ZDHHC6: variants seen among roughly 807,000 people sequenced by gnomAD.
ZDHHC6 encodes the protein zDHHC palmitoyltransferase 6, also known as palmitoyltransferase ZDHHC6.
In ZDHHC6, 32 loss-of-function variants were observed where a neutral mutation model predicts 57.8. That is an observed-to-expected ratio of 0.55 (90% CI 0.42 to 0.74). The LOEUF is 0.74. Ranked by LOEUF, ZDHHC6 falls within the 30% of genes least tolerant of loss-of-function variation. The pLI is 0.00. For synonymous variants in ZDHHC6, 128 were observed against 158.0 expected, an observed-to-expected ratio of 0.81 and a Z score of 1.42; for missense variants, 433 against 500.7, an observed-to-expected ratio of 0.86 and a Z score of 1.29.
chr10:112,436,292 T>C (rs1845523970), intron 6 of ZDHHC6, among the ~76,000 whole-genome samples: 1 of 152,132 alleles, frequency 6.6e-6, no homozygotes. Flanking sequence ...CTGGCCAACA[T>C]GGTGAAAGCC....
exon 12 of ZDHHC6, chr10:112,424,502 T>G (rs1379737756): frequency 2.0e-5 from 3 of 152,228 alleles, no homozygotes; most frequent in Admixed American, 2.0e-4. Flanking sequence ...GTAACAGAAT[T>G]AAATAACACT....
At chr10:112,440,826 T>TTTTTA (rs1480456729) in intron 4 of ZDHHC6, 131 bp from the exon 5 acceptor site, 2 of 614,588 alleles carry the variant, frequency 3.3e-6, no homozygotes, top group African/African-American at 1.9e-5. Context: ...AACACAGCTA[T>TTTTTA]TTTTATTTTA....
In ZDHHC6 at chr10:112,445,290, T is replaced by G. The variant is rs1846549765; in HGVS notation, c.147A>C (p.Leu49Phe). ...MIDSVLWYWP[L>F]HTTGGSVNFI... The stretch of plus-strand genomic sequence containing the variant: ...AATTCACACTTCCTCCAGTTGTATG[T>G]AAGGGCCAATACCACAACACAGAGT... Residue 49 changes from leucine (L) to phenylalanine (F), a missense_variant, in exon 2 of 11, where the codon TTA becomes TTC. By Grantham distance (22) the Leu-to-Phe change is conservative. Coordinates refer to ENST00000369405, the MANE Select transcript of ZDHHC6 (RefSeq NM_022494.3). The G allele has an allele frequency of 2.6e-5, 42 of 1,614,204 alleles. No homozygotes were observed. Among genetic ancestry groups the G allele is most frequent in the Non-Finnish European group, 3.2e-5 (38 of 1,180,034 alleles).
intron 1 of ZDHHC6, among the ~76,000 whole-genome samples, chr10:112,445,877 GT>G (rs1165361187): frequency 2.0e-5 from 3 of 152,182 alleles, no homozygotes; most frequent in Non-Finnish European, 4.4e-5. Flanking sequence ...TTCCAAAATA[GT>G]TTTTTTTATT....
At chr10:112,426,136 C>A, downstream of ZDHHC6, 1 of 728,052 alleles carries the variant, frequency 1.4e-6, no homozygotes, top group Non-Finnish European at 2.3e-6. Context: ...AACACTAGTA[C>A]TGGATTTAAG....
At chr10:112,431,900 G>C (rs530662895) in intron 10 of ZDHHC6, among the ~76,000 whole-genome samples, 6 of 152,202 alleles carry the variant, frequency 3.9e-5, no homozygotes, top group Admixed American at 3.3e-4. Context: ...CATAGCTATG[G>C]GCAAGTTGCC....
intron 5 of ZDHHC6, among the ~76,000 whole-genome samples, chr10:112,439,766 C>T (rs1845935747): frequency 6.7e-6 from 1 of 150,280 alleles, no homozygotes; most frequent in Non-Finnish European, 1.5e-5. Context: ...GTACATATGG[C>T]CCTGTATTAG....
chr10:112,438,638 A>G (rs1376998917), intron 5 of ZDHHC6, among the ~76,000 whole-genome samples: 6 of 152,010 alleles, frequency 3.9e-5, no homozygotes, highest in Admixed American at 1.3e-4. Context: ...TGAATCTAGT[A>G]TGTTAATCAA....
intron 4 of ZDHHC6, among the ~76,000 whole-genome samples, chr10:112,441,505 C>T (rs1455662537): frequency 1.3e-5 from 2 of 152,130 alleles, no homozygotes; most frequent in African/African-American, 4.8e-5. Flanking sequence ...GAATTAGGTG[C>T]CAACATTTAA....
downstream of ZDHHC6, chr10:112,425,479 C>G: frequency 6.2e-7 from 1 of 1,604,326 alleles, no homozygotes; most frequent in Non-Finnish European, 8.5e-7. Flanking sequence ...GGAGAGCTTA[C>G]GGGTAATATA....
chr10:112,440,971 G>A (rs1846063627), intron 4 of ZDHHC6, among the ~76,000 whole-genome samples: 1 of 152,054 alleles, frequency 6.6e-6, no homozygotes, highest in Non-Finnish European at 1.5e-5. Flanking sequence ...TCAGCCTCCC[G>A]AGTAGCTGGG....
At chr10:112,432,325 A>G in intron 9 of ZDHHC6, 39 bp from the exon 10 acceptor site, 1 of 1,608,002 alleles carries the variant, frequency 6.2e-7, no homozygotes, top group South Asian at 1.1e-5. Flanking sequence ...TTTTTAGGCT[A>G]GATATTAATT....
intron 3 of ZDHHC6, 114 bp from the exon 4 acceptor site, chr10:112,442,465 A>T: frequency 1.1e-6 from 1 of 943,928 alleles, no homozygotes; most frequent in Non-Finnish European, 1.5e-6. Flanking sequence ...GAGCTACGAG[A>T]GAATTATACT....
intron 1 of ZDHHC6, 100 bp from the exon 2 acceptor site, chr10:112,445,750 C>T: frequency 2.2e-6 from 1 of 456,838 alleles, no homozygotes; most frequent in South Asian, 6.0e-5. Flanking sequence ...TACACAACAG[C>T]ATCTCACAAG....
At chr10:112,447,187 C>A (rs2133985991), upstream of ZDHHC6, 3 of 578,308 alleles carry the variant, frequency 5.2e-6, no homozygotes, top group South Asian at 7.2e-5. Context: ...CGCACGCAAC[C>A]CAATTTCCGG....
At chr10:112,426,862 G>T (rs1187721907), downstream of ZDHHC6, 2 of 1,609,500 alleles carry the variant, frequency 1.2e-6, no homozygotes, top group East Asian at 2.2e-5. Context: ...TTGAACAGGT[G>T]TGTGCTACCA....
chr10:112,447,194 C>CCGGAGAACCGAGATTGCGA (rs1205944059), upstream of ZDHHC6: 1 of 590,574 alleles, frequency 1.7e-6, no homozygotes, highest in Non-Finnish European at 2.9e-6. Context: ...AACCCAATTT[C>CCGGAGAACCGAGATTGCGA]CGGAGAACCG....
chr10:112,446,019 A>G (rs1846640356), intron 1 of ZDHHC6, among the ~76,000 whole-genome samples: 1 of 152,324 alleles, frequency 6.6e-6, no homozygotes, highest in Middle Eastern at 3.4e-3. Flanking sequence ...TGTCTTAGAG[A>G]GGCTGAGTGA....
At chr10:112,435,915 T>C (rs918984700) in intron 6 of ZDHHC6, among the ~76,000 whole-genome samples, 20 of 152,116 alleles carry the variant, frequency 1.3e-4, no homozygotes, top group Non-Finnish European at 2.2e-4. Context: ...AGGGGTGTGG[T>C]AGATGCTATG....
Sources: gnomAD v4.1 joint callset for allele counts (sites outside exome capture counted in the v4.1 genomes callset) on GRCh38, gnomAD v4.1.1 for gene constraint, MANE v1.5 for transcripts, NCBI Gene and HGNC (gene_info 2026-07-23, HGNC 2026-07-21) for gene names.